FRAS1: variants seen among roughly 807,000 people sequenced by gnomAD.
The protein encoded by FRAS1 is extracellular matrix organizing protein FRAS1.
A neutral mutation model predicts 435.2 loss-of-function variants in FRAS1; 290 were observed. The ratio of observed to expected loss-of-function variants is 0.67; its 90% CI spans 0.61 to 0.73. FRAS1 has a LOEUF of 0.73. FRAS1 is among the 30% of genes least tolerant of loss of function. The pLI, the probability that FRAS1 is intolerant of heterozygous loss-of-function variation, is 0.00. For synonymous variants in FRAS1, 1,800 were observed against 1,851.0 expected, an observed-to-expected ratio of 0.97 and a Z score of 0.71; for missense variants, 4,860 against 5,001.5, an observed-to-expected ratio of 0.97 and a Z score of 0.85.
At chr4:78,137,514 A>C (rs909683531) in intron 2 of FRAS1, among the ~76,000 whole-genome samples, 1 of 152,226 alleles carries the variant, frequency 6.6e-6, no homozygotes, top group Non-Finnish European at 1.5e-5. Flanking sequence ...TAATAATATC[A>C]TAGATTATTC....
Position 78,245,475 on chromosome 4 carries a change from G to A in FRAS1, c.309+150G>A, listed in dbSNP as rs568747843. On this transcript the variant is annotated intron_variant, in intron 4 of 73. Transcript: ENST00000512123. ...CATTTGACTTTCTGTGAGCATTTAG[G>A]TTTCTTGTATAAGAGTAAAACATTC... 2.3e-4 allele frequency: 143 copies of A among 614,400 alleles called. 1 individual carries two copies. The highest frequency in any genetic ancestry group is 2.2e-3 in the African/African-American group (119 of 54,130). The allele number at this position is 614,400 out of a possible 1,614,324, so 38.1% of individuals were successfully genotyped here.
rs1733658777 is a variant in FRAS1, at chr4:78,419,016, G to A, written c.4493G>A (p.Ser1498Asn). 6.2e-7 allele frequency: 1 copy of A among 1,601,042 alleles called. No homozygotes were observed. Among genetic ancestry groups the A allele is most frequent in the Non-Finnish European group, 8.5e-7 (1 of 1,175,858 alleles). The change falls in exon 33 of 74, where the codon AGT (serine) becomes AAT (asparagine). Residue 1498 changes from serine to asparagine, a missense_variant. Ser to Asn is a conservative substitution (Grantham distance 46, BLOSUM62 1). Coordinates refer to ENST00000512123, the MANE Select transcript of FRAS1 (RefSeq NM_025074.7). Reference protein sequence around the residue: ...SLSFINSEKPSGKIVYNITLP... With the variant: ...SLSFINSEKPNGKIVYNITLP... ...TCCTTCATAAACTCTGAGAAGCCAA[G>A]TGGAAAGATTGTCTACAACATCACT...
rs72654686 is a variant in FRAS1, at chr4:78,171,289, C to T, written c.109-66221C>T. ...CTCTCAGGGTGGTTCAGTAATTTGC[C>T]CAAGGCCACAGGCCTATATCTGCCA... On this transcript the variant is annotated intron_variant, in intron 2 of 73. Coordinates refer to ENST00000512123, the MANE Select transcript of FRAS1 (RefSeq NM_025074.7). Among the ~76,000 whole-genome samples, 948 of 152,196 alleles carry T rather than the reference C, an allele frequency of 6.2e-3. 3 individuals carry two copies. The highest frequency in any genetic ancestry group is 0.011 in the Non-Finnish European group (729 of 68,020).
At chr4:78,249,072 T>C (rs914318248) in intron 4 of FRAS1, among the ~76,000 whole-genome samples, 3 of 111,922 alleles carry the variant, frequency 2.7e-5, no homozygotes, top group African/African-American at 9.1e-5. Context: ...TGCATATATA[T>C]ATATATATAT....
intron 29 of FRAS1, among the ~76,000 whole-genome samples, chr4:78,394,505 A>G (rs1732577306): frequency 6.6e-6 from 1 of 151,862 alleles, no homozygotes; most frequent in Non-Finnish European, 1.5e-5. Flanking sequence ...TTGTTGAAGA[A>G]TAGTTGGTCA....
intron 9 of FRAS1, among the ~76,000 whole-genome samples, chr4:78,276,824 C>T (rs1181317978): frequency 1.3e-5 from 2 of 152,184 alleles, no homozygotes; most frequent in African/African-American, 2.4e-5. Context: ...CTTGGAGGAC[C>T]ACTTTTCTCT....
chr4:78,167,704 C>T (rs1721390585), intron 2 of FRAS1, among the ~76,000 whole-genome samples: 1 of 151,966 alleles, frequency 6.6e-6, no homozygotes, highest in Non-Finnish European at 1.5e-5. Flanking sequence ...GTCATTTACC[C>T]AAGTTCACAT....
chr4:78,190,178 C>T (rs1722466840), intron 2 of FRAS1, among the ~76,000 whole-genome samples: 1 of 152,222 alleles, frequency 6.6e-6, no homozygotes, highest in African/African-American at 2.4e-5. Flanking sequence ...CCCCTCAGAC[C>T]TCAGCTCAGA....
chr4:78,210,346 T>C (rs750045659), intron 2 of FRAS1, among the ~76,000 whole-genome samples: 11 of 152,216 alleles, frequency 7.2e-5, no homozygotes, highest in Non-Finnish European at 1.3e-4. Flanking sequence ...TCACCTTGCA[T>C]GTAAATTAGC....
intron 2 of FRAS1, among the ~76,000 whole-genome samples, chr4:78,201,445 C>CT (rs1199936105): frequency 3.3e-5 from 5 of 152,176 alleles, no homozygotes; most frequent in African/African-American, 1.2e-4. Context: ...GATGGGGAAT[C>CT]TTGACTTGCT....
intron 2 of FRAS1, among the ~76,000 whole-genome samples, chr4:78,223,104 T>C (rs1315205112): frequency 6.6e-6 from 1 of 152,090 alleles, no homozygotes; most frequent in Non-Finnish European, 1.5e-5. Context: ...ATACAACCGG[T>C]GTGTATTTTG....
intron 2 of FRAS1, among the ~76,000 whole-genome samples, chr4:78,126,841 T>C (rs1306848214): frequency 1.3e-5 from 2 of 152,222 alleles, no homozygotes; most frequent in African/African-American, 4.8e-5. Flanking sequence ...TGTGTACCTC[T>C]AGAATAGATT....
chr4:78,064,342 T>G (rs1739893271), intron 1 of FRAS1, among the ~76,000 whole-genome samples: 1 of 151,694 alleles, frequency 6.6e-6, no homozygotes, highest in African/African-American at 2.4e-5. Flanking sequence ...TTAATAAATA[T>G]TAATGCCATG....
At chr4:78,313,770 A>G (rs1729128385) in intron 15 of FRAS1, among the ~76,000 whole-genome samples, 1 of 152,242 alleles carries the variant, frequency 6.6e-6, no homozygotes, top group Non-Finnish European at 1.5e-5. Flanking sequence ...TTACAATATA[A>G]GAAAGACAAA....
intron 43 of FRAS1, among the ~76,000 whole-genome samples, chr4:78,447,288 T>TAAA (rs3086830): frequency 0.15 from 16,207 of 108,838 alleles, 1,528 homozygotes; most frequent in East Asian, 0.25. Flanking sequence ...GTTCCTTTTG[T>TAAA]AAAAAAAAAA....
At chr4:78,324,182 T>C (rs1729626695) in intron 18 of FRAS1, among the ~76,000 whole-genome samples, 1 of 143,596 alleles carries the variant, frequency 7.0e-6, no homozygotes, top group Non-Finnish European at 1.6e-5. Context: ...CTTTAAAAAG[T>C]ATAAATAAGG....
chr4:78,180,082 A>G (rs1227377132), intron 2 of FRAS1, among the ~76,000 whole-genome samples: 1 of 152,222 alleles, frequency 6.6e-6, no homozygotes. Flanking sequence ...AGTGGAAGAG[A>G]TACACAGGTA....
At position 78,339,090 on chromosome 4, in the gene FRAS1, G is replaced by A. The variant is rs1046743752; in HGVS notation, c.2422+1273G>A. On this transcript the variant is annotated intron_variant, in intron 20 of 73. Coordinates refer to ENST00000512123, the MANE Select transcript of FRAS1 (RefSeq NM_025074.7). ...AGAATTCCTATCAGCTGTAGGATGT[G>A]AGTCTATTGCTAGTGATGTTAGTCG... Among the ~76,000 whole-genome samples, 12 of 152,284 alleles carry A rather than the reference G, an allele frequency of 7.9e-5. No homozygotes were observed. The East Asian group carries it at 2.3e-3, about 29-fold the overall frequency.
intron 20 of FRAS1, among the ~76,000 whole-genome samples, chr4:78,341,542 G>A (rs366463): frequency 0.18 from 26,934 of 152,032 alleles, 3,249 homozygotes; most frequent in African/African-American, 0.35. Flanking sequence ...ATTTCACCAG[G>A]TATTAATAGT....
Sources: gnomAD v4.1 joint callset for allele counts (sites outside exome capture counted in the v4.1 genomes callset) on GRCh38, gnomAD v4.1.1 for gene constraint, MANE v1.5 for transcripts, NCBI Gene and HGNC (gene_info 2026-07-23, HGNC 2026-07-21) for gene names.